The following SPATA1 variants were observed in gnomAD, a reference collection of about 807,000 sequenced individuals.
The protein encoded by SPATA1 is spermatogenesis-associated protein 1.
Under a neutral mutation model 59.6 loss-of-function variants are expected in SPATA1, and 57 were observed. That is an observed-to-expected ratio of 0.96 (90% CI 0.77 to 1.19). SPATA1 has a LOEUF of 1.19. Ranked by LOEUF, SPATA1 falls within the 50% of genes most tolerant of loss-of-function variation. The probability of loss-of-function intolerance (pLI) is 0.00; values close to 1 mark genes in which losing one functional copy is unlikely to be tolerated. For missense variants in SPATA1, 448 were observed against 480.7 expected (o/e 0.93, Z 0.64); for synonymous variants, 147 against 163.9 (o/e 0.90, Z 0.79).
chr1:84,565,130 T>C (rs1684666597), intron 4 of SPATA1, among the ~76,000 whole-genome samples: 1 of 151,896 alleles, frequency 6.6e-6, no homozygotes. Flanking sequence ...GCTTGTGAGG[T>C]TGAGGCTGCA....
At chr1:84,517,754 G>A (rs1038276958) in intron 2 of SPATA1, among the ~76,000 whole-genome samples, 1 of 152,028 alleles carries the variant, frequency 6.6e-6, no homozygotes, top group South Asian at 2.1e-4. Context: ...ATTGACTCCA[G>A]CTTTTAAATA....
chr1:84,511,629 T>C (rs966744052), intron 1 of SPATA1, among the ~76,000 whole-genome samples: 2 of 151,704 alleles, frequency 1.3e-5, no homozygotes, highest in African/African-American at 2.4e-5. Context: ...GTTTGTGGAT[T>C]CTGGAGTGCC....
intron 10 of SPATA1, 36 bp from the exon 11 acceptor site, chr1:84,548,750 C>CTTTTTTTTTTTT (rs56250726): frequency 1.2e-6 from 1 of 820,214 alleles, no homozygotes; most frequent in Non-Finnish European, 1.5e-6. Context: ...AAGGCCTTTC[C>CTTTTTTTTTTTT]TTTTTTTTTT....
chr1:84,564,486 C>A (rs1319079857), intron 4 of SPATA1, among the ~76,000 whole-genome samples: 6 of 151,898 alleles, frequency 4.0e-5, no homozygotes. Flanking sequence ...TATTAAATAA[C>A]CAAAAATGGG....
At chr1:84,533,124 T>G (rs1683539073) in intron 7 of SPATA1, 150 bp downstream of exon 7, 1 of 569,052 alleles carries the variant, frequency 1.8e-6, no homozygotes, top group Non-Finnish European at 3.0e-6. Context: ...TTCAGATCTT[T>G]ACTGTTTTTT....
intron 2 of SPATA1, chr1:84,520,327 A>G (rs1196738065): frequency 3.1e-6 from 1 of 326,770 alleles, no homozygotes; most frequent in East Asian, 6.4e-5. Flanking sequence ...AGAAAAAAAC[A>G]CCATATGCCA....
chr1:84,509,766 CAAAAAAA>C (rs1165447601), intron 1 of SPATA1, among the ~76,000 whole-genome samples: 1 of 151,656 alleles, frequency 6.6e-6, no homozygotes, highest in Non-Finnish European at 1.5e-5. Context: ...ACCCATCTCT[CAAAAAAA>C]GAAAAGAAAA....
At chr1:84,531,445 G>A (rs551949914) in intron 6 of SPATA1, among the ~76,000 whole-genome samples, 2 of 152,078 alleles carry the variant, frequency 1.3e-5, no homozygotes, top group Non-Finnish European at 2.9e-5. Flanking sequence ...TTACAGACAT[G>A]AGCCGCCATA....
chr1:84,563,578 T>C (rs1388417196), intron 4 of SPATA1, among the ~76,000 whole-genome samples: 1 of 152,134 alleles, frequency 6.6e-6, no homozygotes, highest in Non-Finnish European at 1.5e-5. Context: ...AATGAAAATG[T>C]ATGATAATCA....
chr1:84,555,494 T>C (rs1021914959), downstream of SPATA1, among the ~76,000 whole-genome samples: 4 of 152,252 alleles, frequency 2.6e-5, no homozygotes, highest in African/African-American at 9.6e-5. Context: ...CAACTTATCA[T>C]ATGTTTATGG....
At chr1:84,564,783 T>C (rs959950432) in intron 4 of SPATA1, among the ~76,000 whole-genome samples, 3 of 152,198 alleles carry the variant, frequency 2.0e-5, no homozygotes, top group African/African-American at 4.8e-5. Context: ...CAATGGCTCA[T>C]GCCTGTAATT....
At position 84,531,288 on chromosome 1, in the gene SPATA1, G is replaced by A. The variant is rs372580159; in HGVS notation, c.545-1572G>A. On this transcript the variant is annotated intron_variant, in intron 6 of 12. Coordinates refer to ENST00000490879, the Ensembl canonical transcript of SPATA1. ...AGCTATTCTCCTGCCCCAGCCTCCCGAGTAGCTGGGATTACAGGCACGTGC... is the reference window on the plus strand; with the variant it reads ...AGCTATTCTCCTGCCCCAGCCTCCCAAGTAGCTGGGATTACAGGCACGTGC... Among the ~76,000 whole-genome samples, 55 of 151,346 alleles carry A rather than the reference G, an allele frequency of 3.6e-4. No homozygotes were observed. The South Asian group carries it at 0.011, about 31-fold the overall frequency.
intron 8 of SPATA1, among the ~76,000 whole-genome samples, chr1:84,538,482 C>G (rs1243648148): frequency 6.6e-6 from 1 of 152,128 alleles, no homozygotes; most frequent in African/African-American, 2.4e-5. Context: ...ACATATGTTT[C>G]TTAGGGGGTA....
intron 11 of SPATA1, chr1:84,549,840 C>G (rs1403026978): frequency 2.7e-5 from 4 of 150,062 alleles, no homozygotes; most frequent in Admixed American, 2.7e-4. Context: ...TCCAAATAGG[C>G]TCAAGTAATG....
intron 8 of SPATA1, among the ~76,000 whole-genome samples, chr1:84,539,556 T>A (rs1165759115): frequency 6.6e-6 from 1 of 152,218 alleles, no homozygotes; most frequent in Non-Finnish European, 1.5e-5. Flanking sequence ...ATTTTTTAAT[T>A]TCCCTGGTTA....
At chr1:84,507,958 T>C (rs1360696980) in intron 1 of SPATA1, among the ~76,000 whole-genome samples, 13 of 152,130 alleles carry the variant, frequency 8.5e-5, no homozygotes, top group Non-Finnish European at 1.8e-4. Context: ...AGCGTGTGTT[T>C]AAAGATTCTA....
chr1:84,510,672 A>C (rs1016326059), intron 1 of SPATA1, among the ~76,000 whole-genome samples: 4 of 152,200 alleles, frequency 2.6e-5, no homozygotes, highest in African/African-American at 9.6e-5. Flanking sequence ...ATAGACCCAA[A>C]AGAAAAGAAA....
Position 84,548,750 on chromosome 1 carries a change from C to CT in SPATA1, c.947-5dup, listed in dbSNP as rs56250726. 709 of 914,768 alleles carry CT rather than the reference C, an allele frequency of 7.8e-4. 14 individuals carry two copies. The highest frequency in any genetic ancestry group is 6.7e-3 in the East Asian group (79 of 11,772). 56.7% of individuals were successfully genotyped at this position (914,768 alleles called of 1,614,324 possible). A position where few individuals can be genotyped will look rare whatever the true frequency, so the allele number is the denominator to read the frequency against. On this transcript the variant is annotated intron_variant, in intron 10 of 12. Coordinates refer to ENST00000490879, the Ensembl canonical transcript of SPATA1. ...TTTAATACTCAAACGAAGGCCTTTC[C>CT]TTTTTTTTTTTTTTTTTTTTTTTTT... is the stretch of plus-strand genomic sequence containing the variant.
At chr1:84,538,357 C>T (rs1282844807) in intron 8 of SPATA1, among the ~76,000 whole-genome samples, 5 of 152,208 alleles carry the variant, frequency 3.3e-5, no homozygotes, top group African/African-American at 1.2e-4. Flanking sequence ...TGCCTAAGGG[C>T]TGTGTCAATT....
Sources: gnomAD v4.1 joint callset for allele counts (sites outside exome capture counted in the v4.1 genomes callset) on GRCh38, gnomAD v4.1.1 for gene constraint, MANE v1.5 for transcripts, NCBI Gene and HGNC (gene_info 2026-07-23, HGNC 2026-07-21) for gene names.